The following IGFBP2 variants were observed in gnomAD, a reference collection of about 807,000 sequenced individuals.
IGFBP2 encodes insulin like growth factor binding protein 2.
IGFBP2 carries 12 observed loss-of-function variants against 26.2 expected under a neutral mutation model. That is an observed-to-expected ratio of 0.46 (90% CI 0.29 to 0.74). The LOEUF (loss-of-function observed/expected upper bound fraction) is 0.74. Among genes scored for constraint, IGFBP2 ranks in the 30% least tolerant of loss-of-function variants. IGFBP2 has a pLI of 0.09. For synonymous variants in IGFBP2, 189 were observed against 200.6 expected, an observed-to-expected ratio of 0.94 and a Z score of 0.49; for missense variants, 328 against 441.2, an observed-to-expected ratio of 0.74 and a Z score of 2.30.
chr2:216,647,243 G>T (rs957543818), intron 1 of IGFBP2, among the ~76,000 whole-genome samples: 4 of 151,980 alleles, frequency 2.6e-5, no homozygotes, highest in African/African-American at 9.7e-5. Context: ...AAAAAAAAAA[G>T]CAGTGTCTTC....
chr2:216,642,528 G>C lies in IGFBP2; in HGVS notation c.442+8563G>C, dbSNP rs192465141. ...TCACCGTGTTAGCCAGGATGGTCTC[G>C]ATCTCCTGACCTTGTGATCCGCCCG... On this transcript the variant is annotated intron_variant, in intron 1 of 3. Coordinates refer to ENST00000233809, the MANE Select transcript of IGFBP2 (RefSeq NM_000597.3). 8.9e-3 allele frequency among the ~76,000 whole-genome samples: 1,348 copies of C among 151,750 alleles called. 15 individuals are homozygous for C. Among genetic ancestry groups the C allele is most frequent in the African/African-American group, 0.031 (1,292 of 41,358 alleles).
At chr2:216,661,642 A>G (rs1688651732) in intron 2 of IGFBP2, 4 of 638,424 alleles carry the variant, frequency 6.3e-6, no homozygotes. Flanking sequence ...GAACATTCCC[A>G]TCCATACAAT....
chr2:216,656,154 C>G (rs181654231), intron 1 of IGFBP2, among the ~76,000 whole-genome samples: 2 of 152,252 alleles, frequency 1.3e-5, no homozygotes, highest in East Asian at 3.9e-4. Context: ...CCAGAGATTG[C>G]AGAGGGCCTT....
chr2:216,650,073 AACAG>A (rs1405976285), intron 1 of IGFBP2, among the ~76,000 whole-genome samples: 4 of 152,338 alleles, frequency 2.6e-5, no homozygotes, highest in East Asian at 1.9e-4. Context: ...TTCTTCAGGA[AACAG>A]ACAGAACAGA....
chr2:216,633,762 G>C lies in IGFBP2; in HGVS notation c.239G>C (p.Arg80Pro). 7.4e-7 allele frequency: 1 copy of C among 1,347,584 alleles called. No individual in the cohort carries two copies. Among genetic ancestry groups the C allele is most frequent in the Non-Finnish European group, 9.5e-7 (1 of 1,053,334 alleles). 83.5% of individuals were successfully genotyped at this position (1,347,584 alleles called of 1,614,324 possible). A position where few individuals can be genotyped will look rare whatever the true frequency, so the allele number is the denominator to read the frequency against. Residue 80 changes from arginine (R) to proline (P), a missense_variant, in exon 1 of 4, where the codon CGG becomes CCG. Transcript: ENST00000233809. The part of the protein sequence containing the change: ...GARMPCAELV[R>P]EPGCGCCSVC... ...CGCATGCCATGCGCGGAGCTCGTCC[G>C]GGAGCCGGGCTGCGGCTGCTGCTCG...
In IGFBP2 at chr2:216,660,007, C is replaced by G. The variant is rs76899628; in HGVS notation, c.443-550C>G. ...CCTTCTCACTCCTTTGCCATATATG[C>G]TGCAGCCCGGTGATGTCTGTGGCAC... is the stretch of plus-strand genomic sequence containing the variant. On this transcript the variant is annotated intron_variant, in intron 1 of 3. Transcript: ENST00000233809. Among the ~76,000 whole-genome samples, 688 of 152,218 alleles carry G rather than the reference C, an allele frequency of 4.5e-3. 1 individual carries two copies. The highest frequency in any genetic ancestry group is 0.011 in the South Asian group (53 of 4,812).
At chr2:216,656,023 TAAA>T (rs944077764) in intron 1 of IGFBP2, among the ~76,000 whole-genome samples, 7 of 151,880 alleles carry the variant, frequency 4.6e-5, no homozygotes, top group African/African-American at 1.7e-4. Context: ...TTAATAGAAA[TAAA>T]AATATGTCCT....
At chr2:216,661,496 T>G in intron 2 of IGFBP2, 1 of 371,780 alleles carries the variant, frequency 2.7e-6, no homozygotes, top group Non-Finnish European at 5.2e-6. Flanking sequence ...CTGGCCCTGG[T>G]TGGTTTTATG....
chr2:216,657,756 C>T (rs553192937), intron 1 of IGFBP2, among the ~76,000 whole-genome samples: 8 of 152,286 alleles, frequency 5.3e-5, no homozygotes, highest in South Asian at 2.1e-4. Flanking sequence ...CTTTTCCTGC[C>T]GGTGGTGCTG....
At chr2:216,651,433 G>A (rs553274753) in intron 1 of IGFBP2, among the ~76,000 whole-genome samples, 6 of 152,334 alleles carry the variant, frequency 3.9e-5, no homozygotes, top group Admixed American at 2.0e-4. Flanking sequence ...CTGAGCATGC[G>A]TGGTGATTAT....
intron 1 of IGFBP2, among the ~76,000 whole-genome samples, chr2:216,657,262 C>A (rs570352269): frequency 6.6e-6 from 1 of 151,846 alleles, no homozygotes; most frequent in South Asian, 2.1e-4. Context: ...GGAAGGGCAG[C>A]GGGGCGGAGG....
At chr2:216,638,118 G>T (rs1697536243) in intron 1 of IGFBP2, among the ~76,000 whole-genome samples, 1 of 151,396 alleles carries the variant, frequency 6.6e-6, no homozygotes, top group Non-Finnish European at 1.5e-5. Flanking sequence ...AACCCGGGAG[G>T]TGGAGCTTGC....
At chr2:216,661,011 T>G (rs1296025617) in intron 2 of IGFBP2, 2 of 572,970 alleles carry the variant, frequency 3.5e-6, no homozygotes, top group Non-Finnish European at 6.2e-6. Flanking sequence ...TCTTTCCTTC[T>G]AAAACCTTCA....
intron 1 of IGFBP2, among the ~76,000 whole-genome samples, chr2:216,642,726 A>C (rs1476396816): frequency 6.6e-6 from 1 of 152,086 alleles, no homozygotes; most frequent in Non-Finnish European, 1.5e-5. Context: ...TGGGGGTTGG[A>C]GGGACTATGG....
intron 1 of IGFBP2, among the ~76,000 whole-genome samples, chr2:216,647,473 C>G (rs896837913): frequency 6.6e-6 from 1 of 152,140 alleles, no homozygotes; most frequent in Non-Finnish European, 1.5e-5. Context: ...AGACTTTACC[C>G]AGCAGTGCTT....
rs1238691902 is a variant in IGFBP2 at position 216,664,430 on chromosome 2, A to C, written c.*326A>C. The C allele has an allele frequency of 2.5e-5, 5 of 196,314 alleles. No individual in the cohort carries two copies. Among genetic ancestry groups the C allele is most frequent in the African/African-American group, 1.2e-4 (5 of 43,190 alleles). The allele number at this position is 196,314 out of a possible 1,614,324, so 12.2% of individuals were successfully genotyped here. On this transcript the variant is annotated 3_prime_UTR_variant, in exon 4 of 4. Coordinates refer to ENST00000233809, the MANE Select transcript of IGFBP2 (RefSeq NM_000597.3). This position sits in a 1 kb window ranked among gnomAD's most constrained non-coding sequence, Gnocchi z 4.6. ...TTTTGCATAAGATTAAAGGAAGGAA[A>C]AGTAAAGTGTGTGTCTTTTGCCTGA...
intron 1 of IGFBP2, among the ~76,000 whole-genome samples, chr2:216,645,355 GA>G: frequency 6.6e-6 from 1 of 152,318 alleles, no homozygotes; most frequent in East Asian, 1.9e-4. Flanking sequence ...GGGAGGGGAA[GA>G]AATGAAGCCC....
intron 1 of IGFBP2, among the ~76,000 whole-genome samples, chr2:216,637,138 T>C (rs1400535973): frequency 1.3e-5 from 2 of 152,132 alleles, no homozygotes; most frequent in African/African-American, 4.8e-5. Flanking sequence ...AGTCGTAAAA[T>C]AGACTAGGGA....
At chr2:216,661,822 C>T in intron 2 of IGFBP2, 36 bp from the exon 3 acceptor site, 1 of 1,613,246 alleles carries the variant, frequency 6.2e-7, no homozygotes, top group Non-Finnish European at 8.5e-7. Flanking sequence ...GCCTGCTGTC[C>T]TCACTCCGGG....
Sources: gnomAD v4.1 joint callset for allele counts (sites outside exome capture counted in the v4.1 genomes callset) on GRCh38, gnomAD v4.1.1 for gene constraint, Gnocchi (gnomAD v3.1) non-coding constraint, MANE v1.5 for transcripts, NCBI Gene and HGNC (gene_info 2026-07-23, HGNC 2026-07-21) for gene names.